The following HTR4 variants were observed in gnomAD, a reference collection of about 807,000 sequenced individuals.
HTR4 encodes 5-hydroxytryptamine (serotonin) receptor 4, G protein-coupled.
HTR4 carries 16 observed loss-of-function variants against 36.8 expected under a neutral mutation model. The observed-to-expected ratio is 0.43, with a 90% CI of 0.29 to 0.66. The LOEUF (loss-of-function observed/expected upper bound fraction) is 0.66. Among genes scored for constraint, HTR4 ranks in the 30% least tolerant of loss-of-function variants. The pLI is 0.13. For missense variants in HTR4, 438 were observed against 490.9 expected, an observed-to-expected ratio of 0.89 and a Z score of 1.02; for synonymous variants, 189 against 185.1, an observed-to-expected ratio of 1.02 and a Z score of -0.17.
intron 2 of HTR4, among the ~76,000 whole-genome samples, chr5:148,615,528 T>G (rs1438983341): frequency 7.9e-5 from 7 of 88,644 alleles, no homozygotes; most frequent in Middle Eastern, 9.4e-3. Context: ...TGGGGACTGT[T>G]GTGGGGTGGG....
At chr5:148,615,338 T>G (rs1174275037) in intron 2 of HTR4, among the ~76,000 whole-genome samples, 1 of 151,736 alleles carries the variant, frequency 6.6e-6, no homozygotes, top group Non-Finnish European at 1.5e-5. Flanking sequence ...CACCATGGAA[T>G]ACTATGCAGC....
At chr5:148,540,200 A>G (rs72832060) in intron 4 of HTR4, among the ~76,000 whole-genome samples, 1,874 of 151,696 alleles carry the variant, frequency 0.012, 19 homozygotes, top group Non-Finnish European at 0.02. Context: ...AAAGGGAACA[A>G]AAGACATTGC....
rs1561621712 is a variant in HTR4 at position 148,563,443 on chromosome 5, G to A, written c.27-13181C>T. ...GATTTTCACAGCTGTTACCTTTTAC[G>A]CTCCCACACACACTAGAATAACTTG... On this transcript the variant is annotated intron_variant, in intron 2 of 6. Coordinates refer to ENST00000377888, the MANE Select transcript of HTR4 (RefSeq NM_000870.7). 2.0e-5 allele frequency among the ~76,000 whole-genome samples: 3 copies of A among 152,032 alleles called. No individual in the cohort carries two copies. In the South Asian group the frequency reaches 6.2e-4, roughly 32 times the overall value.
At chr5:148,534,287 T>C (rs1421517512) in intron 4 of HTR4, among the ~76,000 whole-genome samples, 1 of 152,222 alleles carries the variant, frequency 6.6e-6, no homozygotes, top group Non-Finnish European at 1.5e-5. Context: ...CAGGCTGCCA[T>C]CTTTGCTGTT....
chr5:148,641,350 C>T (rs549576164), intron 1 of HTR4, among the ~76,000 whole-genome samples: 17 of 152,232 alleles, frequency 1.1e-4, no homozygotes, highest in East Asian at 3.9e-4. Context: ...ATGACAGTCA[C>T]GCTGTACTCT....
chr5:148,646,688 A>C (rs1275612485), intron 1 of HTR4, among the ~76,000 whole-genome samples: 3 of 152,204 alleles, frequency 2.0e-5, no homozygotes, highest in Non-Finnish European at 4.4e-5. Flanking sequence ...GATCCTGGGG[A>C]AGAAGCAGAA....
Position 148,654,195 on chromosome 5 carries a change from CG to C in HTR4, c.-182del. The stretch of plus-strand genomic sequence containing the variant: ...GCCTGCGCCCTCCCTGCCGCCCCCT[CG>C]GGTGCGGGCTCCAGCCCCCGCGCTG... On this transcript the variant is annotated 5_prime_UTR_variant, in exon 1 of 7. Transcript: ENST00000377888. 1.0e-6 allele frequency: 1 copy of C among 985,374 alleles called. No homozygotes were observed. Among genetic ancestry groups the C allele is most frequent in the Non-Finnish European group, 1.2e-6 (1 of 829,910 alleles). The allele number at this position is 985,374 out of a possible 1,614,324, so 61.0% of individuals were successfully genotyped here.
At chr5:148,465,912 C>T in intron 5 of HTR4, 3 of 1,612,756 alleles carry the variant, frequency 1.9e-6, no homozygotes, top group Non-Finnish European at 2.5e-6. Flanking sequence ...AAGCTGGAGA[C>T]AGGGGAACAG....
intron 2 of HTR4, among the ~76,000 whole-genome samples, chr5:148,591,164 C>T (rs1054614882): frequency 2.6e-5 from 4 of 152,044 alleles, no homozygotes; most frequent in African/African-American, 9.7e-5. Flanking sequence ...TTTCTGGGCT[C>T]TCTATTATGT....
downstream of HTR4, among the ~76,000 whole-genome samples, chr5:148,473,164 T>C (rs1238328259): frequency 6.6e-6 from 1 of 151,680 alleles, no homozygotes; most frequent in East Asian, 1.9e-4. Flanking sequence ...CTGGGTGTGG[T>C]TGTGGGCGCC....
At chr5:148,639,623 A>ATATATG (rs1234280795) in intron 1 of HTR4, among the ~76,000 whole-genome samples, 1 of 144,664 alleles carries the variant, frequency 6.9e-6, no homozygotes, top group Non-Finnish European at 1.5e-5. Context: ...CCCAGTATAT[A>ATATATG]TATATATATA....
chr5:148,580,780 T>C (rs1273684075), intron 2 of HTR4, among the ~76,000 whole-genome samples: 1 of 152,114 alleles, frequency 6.6e-6, no homozygotes. Flanking sequence ...CATCTGTTGA[T>C]AGACATTTGG....
At chr5:148,584,388 A>T (rs1761267487) in intron 2 of HTR4, among the ~76,000 whole-genome samples, 1 of 152,140 alleles carries the variant, frequency 6.6e-6, no homozygotes, top group South Asian at 2.1e-4. Flanking sequence ...ACATGACTCC[A>T]CTTGGTGCCT....
At chr5:148,573,684 T>C (rs17108435) in intron 2 of HTR4, among the ~76,000 whole-genome samples, 31,333 of 151,836 alleles carry the variant, frequency 0.21, 3,859 homozygotes, top group African/African-American at 0.33. Context: ...TGAGCAGTGG[T>C]TGACCTCCTG....
At chr5:148,608,208 G>A (rs1752260555) in intron 2 of HTR4, among the ~76,000 whole-genome samples, 1 of 152,200 alleles carries the variant, frequency 6.6e-6, no homozygotes, top group African/African-American at 2.4e-5. Flanking sequence ...TTTATTGAGT[G>A]TATACCGTTC....
intron 2 of HTR4, among the ~76,000 whole-genome samples, chr5:148,609,133 T>C (rs572457162): frequency 6.6e-6 from 1 of 152,308 alleles, no homozygotes; most frequent in Admixed American, 6.5e-5. Flanking sequence ...CCTCGTTGCC[T>C]AAAAATTGGT....
intron 4 of HTR4, among the ~76,000 whole-genome samples, chr5:148,523,827 C>T (rs541370679): frequency 6.4e-4 from 97 of 152,260 alleles, no homozygotes; most frequent in African/African-American, 2.3e-3. Context: ...CATTGAGGAG[C>T]CTCTGCCCAG....
chr5:148,522,594 A>G (rs1272133271), intron 5 of HTR4, among the ~76,000 whole-genome samples: 1 of 152,234 alleles, frequency 6.6e-6, no homozygotes, highest in Non-Finnish European at 1.5e-5. Flanking sequence ...CATTTGTTAA[A>G]GCAGTAAAGC....
chr5:148,571,942 T>A (rs1220457195), intron 2 of HTR4, among the ~76,000 whole-genome samples: 1 of 152,126 alleles, frequency 6.6e-6, no homozygotes, highest in East Asian at 1.9e-4. Context: ...TATTTGCAAA[T>A]CAAGTTTGTG....
Sources: allele counts gnomAD v4.1 joint callset (sites outside exome capture counted in the v4.1 genomes callset), GRCh38; gene constraint gnomAD v4.1.1; transcripts MANE v1.5; gene names NCBI Gene and HGNC (gene_info 2026-07-23, HGNC 2026-07-21).